The following GFRA1 variants were observed in gnomAD, a reference collection of about 807,000 sequenced individuals.
The protein encoded by GFRA1 is GDNF family receptor alpha-1.
GFRA1 carries 16 observed loss-of-function variants against 51.6 expected under a neutral mutation model. That is an observed-to-expected ratio of 0.31 (90% CI 0.21 to 0.47). The LOEUF (loss-of-function observed/expected upper bound fraction) is 0.47, where lower values mean the gene tolerates loss of function less well. Ranked by LOEUF, GFRA1 falls within the 20% of genes least tolerant of loss-of-function variation. The pLI, the probability that GFRA1 is intolerant of heterozygous loss-of-function variation, is 1.00. For synonymous variants in GFRA1, 270 were observed against 241.3 expected (o/e 1.12, Z -1.10); for missense variants, 530 against 594.3 (o/e 0.89, Z 1.13).
chr10:116,146,405 A>C (rs746443302), intron 5 of GFRA1, among the ~76,000 whole-genome samples: 5 of 152,248 alleles, frequency 3.3e-5, no homozygotes, highest in Non-Finnish European at 5.9e-5. Context: ...TTTGCTTATA[A>C]TTTGACATGT....
chr10:116,173,926 C>T (rs1479693269), intron 5 of GFRA1, among the ~76,000 whole-genome samples: 1 of 152,040 alleles, frequency 6.6e-6, no homozygotes, highest in Non-Finnish European at 1.5e-5. Flanking sequence ...ACTAAAAATA[C>T]AAAACTAGCC....
intron 8 of GFRA1, 137 bp downstream of exon 8, chr10:116,093,561 CAGAG>C (rs1352566801): frequency 4.0e-6 from 3 of 758,986 alleles, no homozygotes; most frequent in Non-Finnish European, 6.8e-6. Context: ...GAAAGACAGA[CAGAG>C]AGAGGAAGCA....
At chr10:116,158,906 C>G (rs906340077) in intron 5 of GFRA1, among the ~76,000 whole-genome samples, 2 of 152,196 alleles carry the variant, frequency 1.3e-5, no homozygotes, top group African/African-American at 4.8e-5. Context: ...ATGAGCCATG[C>G]ACATGGTCCT....
rs74679572 is a variant in GFRA1, at chr10:116,105,039, T to C, written c.771-8275A>G. On this transcript the variant is annotated intron_variant, in intron 6 of 10. Coordinates refer to ENST00000355422, the MANE Select transcript of GFRA1 (RefSeq NM_005264.8). Reference sequence around the variant, plus strand: ...CACGAAATCAAATAAAATTGTTTTATATTACCCATACTATGCTATGTCCAT... The same window carrying C: ...CACGAAATCAAATAAAATTGTTTTACATTACCCATACTATGCTATGTCCAT... Among the ~76,000 whole-genome samples, 640 of 152,328 alleles carry C rather than the reference T, an allele frequency of 4.2e-3. 3 individuals carry two copies. Among genetic ancestry groups the C allele is most frequent in the African/African-American group, 0.015 (612 of 41,582 alleles).
rs1954982394 is a variant in GFRA1 at position 116,064,227 on chromosome 10, C to T, written c.*171G>A. The T allele has an allele frequency of 8.0e-6, 5 of 627,352 alleles. No individual in the cohort carries two copies. The Admixed American group carries it at 1.1e-4, about 13-fold the overall frequency. The allele number at this position is 627,352 out of a possible 1,614,324, so 38.9% of individuals were successfully genotyped here. On this transcript the variant is annotated 3_prime_UTR_variant, in exon 11 of 11. Coordinates refer to ENST00000355422, the MANE Select transcript of GFRA1 (RefSeq NM_005264.8). ...TGCATCAGGTTTTTCACAGAAGCCC[C>T]AAAGGATCACAAGAAGCTTTCTTAA...
chr10:116,149,627 T>C (rs1365847276), intron 5 of GFRA1, among the ~76,000 whole-genome samples: 1 of 152,206 alleles, frequency 6.6e-6, no homozygotes, highest in Admixed American at 6.5e-5. Flanking sequence ...TCAGGTAGAT[T>C]TCACCTGCCT....
chr10:116,093,967 A>T, intron 7 of GFRA1, 131 bp from the exon 8 acceptor site: 1 of 843,520 alleles, frequency 1.2e-6, no homozygotes, highest in Admixed American at 1.9e-5. Flanking sequence ...CTGAGTGGGA[A>T]ATTATGTTAA....
At chr10:116,241,534 C>T (rs570292954) in intron 4 of GFRA1, among the ~76,000 whole-genome samples, 5 of 152,290 alleles carry the variant, frequency 3.3e-5, no homozygotes, top group African/African-American at 7.2e-5. Context: ...AGCATTAATA[C>T]ATATTGCCAC....
chr10:116,181,950 T>A (rs1310337988), intron 5 of GFRA1, among the ~76,000 whole-genome samples: 2 of 152,234 alleles, frequency 1.3e-5, no homozygotes, highest in Non-Finnish European at 2.9e-5. Flanking sequence ...GCCAAGTTGA[T>A]CTTTTTGTTT....
intron 5 of GFRA1, among the ~76,000 whole-genome samples, chr10:116,209,656 T>C (rs576244165): frequency 2.1e-4 from 32 of 152,108 alleles, no homozygotes; most frequent in African/African-American, 7.7e-4. Flanking sequence ...TTCAACTAAA[T>C]GGTACAATTC....
In GFRA1 at chr10:116,093,742, G is replaced by A. The variant is rs776184567; in HGVS notation, c.975C>T (p.Cys325=). The A allele has an allele frequency of 2.7e-5, 44 of 1,613,576 alleles. No homozygotes were observed. The highest frequency in any genetic ancestry group is 3.4e-5 in the Non-Finnish European group (40 of 1,179,592). Residue 325 remains cysteine, a synonymous_variant, in exon 8 of 11, where the codon TGC becomes TGT. Transcript: ENST00000355422. ...CSNSGNDLEE[C]LKFLNFFKDN... ...CCTTGAAGAAATTCAAAAATTTCAAGCACTCTTCTAGGTCGTTCCCACTGT... is the reference window on the plus strand; with the variant it reads ...CCTTGAAGAAATTCAAAAATTTCAAACACTCTTCTAGGTCGTTCCCACTGT...
intron 4 of GFRA1, among the ~76,000 whole-genome samples, chr10:116,232,471 A>T (rs1042531219): frequency 8.0e-5 from 12 of 150,362 alleles, no homozygotes; most frequent in Non-Finnish European, 5.9e-5. Flanking sequence ...TTTTCTTTGA[A>T]CCTTTTAAGA....
Position 116,058,051 on chromosome 10 carries a change from A to AG in GFRA1, c.*6346_*6347insC, listed in dbSNP as rs1589752498. ...GTGTGTGTGTGTGTGTGACAGAGAGAACCACGCTTTATTGGCGGAGCCTTA... is the reference window on the plus strand; with the variant it reads ...GTGTGTGTGTGTGTGTGACAGAGAGAGACCACGCTTTATTGGCGGAGCCTTA... On this transcript the variant is annotated 3_prime_UTR_variant, in exon 11 of 11. Coordinates refer to ENST00000355422, the MANE Select transcript of GFRA1 (RefSeq NM_005264.8). The AG allele has an allele frequency of 2.1e-5, 3 of 143,378 alleles. No individual in the cohort carries two copies. The highest frequency in any genetic ancestry group is 7.1e-5 in the Admixed American group (1 of 14,026). The allele number at this position is 143,378 out of a possible 1,614,324, so 8.9% of individuals were successfully genotyped here.
chr10:116,085,826 G>T (rs918187533), intron 9 of GFRA1, among the ~76,000 whole-genome samples: 1 of 152,200 alleles, frequency 6.6e-6, no homozygotes, highest in African/African-American at 2.4e-5. Flanking sequence ...ATTGAGGCAT[G>T]AAGAAAGAAA....
intron 5 of GFRA1, among the ~76,000 whole-genome samples, chr10:116,147,873 C>T (rs1227040610): frequency 2.0e-5 from 3 of 151,862 alleles, no homozygotes; most frequent in Admixed American, 2.0e-4. Context: ...CCGGGGGACC[C>T]CAGTGGAGGT....
intron 5 of GFRA1, among the ~76,000 whole-genome samples, chr10:116,192,446 C>A (rs1017211531): frequency 2.0e-5 from 3 of 152,190 alleles, no homozygotes; most frequent in African/African-American, 4.8e-5. Flanking sequence ...TGGTTCTCCC[C>A]AAGAGGCCCC....
chr10:116,062,283 A>C lies in GFRA1; in HGVS notation c.*2115T>G. On this transcript the variant is annotated 3_prime_UTR_variant, in exon 11 of 11. Coordinates refer to ENST00000355422, the MANE Select transcript of GFRA1 (RefSeq NM_005264.8). ...TAATGAAAACAAAATACACTCTGTA[A>C]GAGATATGCGCTCATAGATAACTGG... 2.5e-6 allele frequency: 1 copy of C among 396,614 alleles called. No homozygotes were observed. The highest frequency in any genetic ancestry group is 4.4e-6 in the Non-Finnish European group (1 of 225,236). The allele number at this position is 396,614 out of a possible 1,614,324, so 24.6% of individuals were successfully genotyped here. A position where few individuals can be genotyped will look rare whatever the true frequency, so the allele number is the denominator to read the frequency against.
chr10:116,142,553 C>T (rs893524740), intron 5 of GFRA1, among the ~76,000 whole-genome samples: 11 of 152,280 alleles, frequency 7.2e-5, no homozygotes, highest in South Asian at 2.1e-4. Context: ...AGAAATGTGT[C>T]CCCACACTGT....
At position 116,203,269 on chromosome 10, in the gene GFRA1, G is replaced by A. The variant is rs79104391; in HGVS notation, c.433+8362C>T. 5.8e-3 allele frequency among the ~76,000 whole-genome samples: 882 copies of A among 152,256 alleles called. 7 individuals carry two copies. Among genetic ancestry groups the A allele is most frequent in the African/African-American group, 0.02 (819 of 41,542 alleles). ...AAATTTGTATGAATCAACTACAATC[G>A]TATGTAATTCTCTGTGACTTCCAGC... On this transcript the variant is annotated intron_variant, in intron 5 of 10. Transcript: ENST00000355422.
Sources: allele counts gnomAD v4.1 joint callset (sites outside exome capture counted in the v4.1 genomes callset), GRCh38; gene constraint gnomAD v4.1.1; transcripts MANE v1.5; gene names NCBI Gene and HGNC (gene_info 2026-07-23, HGNC 2026-07-21).